Variants in INTS4 observed in about 807,000 individuals in gnomAD.
INTS4 encodes the protein MSTP093.
A neutral mutation model predicts 119.5 loss-of-function variants in INTS4; 70 were observed. That is an observed-to-expected ratio of 0.59 (90% confidence interval 0.48 to 0.71). The LOEUF is 0.71. Among genes scored for constraint, INTS4 ranks in the 30% least tolerant of loss-of-function variants. The probability of loss-of-function intolerance (pLI) is 0.00; values close to 1 mark genes in which losing one functional copy is unlikely to be tolerated. For synonymous variants in INTS4, 316 were observed against 419.6 expected, an observed-to-expected ratio of 0.75 and a Z score of 3.02; for missense variants, 867 against 1,173.2, an observed-to-expected ratio of 0.74 and a Z score of 3.81.
intron 14 of INTS4, among the ~76,000 whole-genome samples, chr11:77,920,222 C>CATAT (rs1565244761): frequency 1.6e-4 from 14 of 85,290 alleles, no homozygotes; most frequent in South Asian, 2.9e-4. Flanking sequence ...TATATATACA[C>CATAT]ATATACATAC....
rs1565232827 is a variant in INTS4, at chr11:77,900,897, T to C, written c.2228+524A>G. 9.0e-6 allele frequency: 4 copies of C among 445,096 alleles called. No individual in the cohort carries two copies. In the South Asian group the frequency reaches 1.3e-4, roughly 14 times the overall value. 27.6% of individuals were successfully genotyped at this position (445,096 alleles called of 1,614,324 possible). ...TTATCTCATTTATTCTTCATAGAAA[T>C]GCCATGAGGTAGATGCTGTCTTCAT... On this transcript the variant is annotated intron_variant, in intron 18 of 22. Coordinates refer to ENST00000534064, the MANE Select transcript of INTS4 (RefSeq NM_033547.4).
intron 4 of INTS4, among the ~76,000 whole-genome samples, chr11:77,973,821 T>C (rs775929281): frequency 2.6e-5 from 4 of 152,186 alleles, no homozygotes; most frequent in Non-Finnish European, 5.9e-5. Context: ...TACTCCTACT[T>C]GTATGTTGCT....
intron 18 of INTS4, among the ~76,000 whole-genome samples, chr11:77,900,956 G>A (rs1952760137): frequency 6.6e-6 from 1 of 152,136 alleles, no homozygotes; most frequent in African/African-American, 2.4e-5. Context: ...GGTACAGAAA[G>A]GTTCATAACC....
At chr11:77,942,435 C>A (rs1953951852) in intron 8 of INTS4, among the ~76,000 whole-genome samples, 1 of 152,090 alleles carries the variant, frequency 6.6e-6, no homozygotes, top group African/African-American at 2.4e-5. Flanking sequence ...GCCTTATTTG[C>A]CATAGTAAGG....
rs761628617 is a variant in INTS4, at chr11:77,924,908, T to G, written c.1372-16A>C. On this transcript the variant is annotated splice_polypyrimidine_tract_variant and intron_variant, in intron 11 of 22. Coordinates refer to ENST00000534064, the MANE Select transcript of INTS4 (RefSeq NM_033547.4). ...TGGATGAATCCTTTTAAAAAAAAAG[T>G]AATAATAACAGTAGTTACTGTTGGT... The G allele has an allele frequency of 5.7e-6, 9 of 1,592,638 alleles. No homozygotes were observed. In the East Asian group the frequency reaches 9.0e-5, roughly 16 times the overall value.
intron 16 of INTS4, among the ~76,000 whole-genome samples, chr11:77,904,777 C>A (rs1219857952): frequency 6.6e-6 from 1 of 152,206 alleles, no homozygotes; most frequent in Non-Finnish European, 1.5e-5. Context: ...TTGAAATCCT[C>A]ACATCCAAAT....
chr11:77,974,523 G>A (rs1406980456), intron 4 of INTS4, among the ~76,000 whole-genome samples: 1 of 150,838 alleles, frequency 6.6e-6, no homozygotes, highest in Admixed American at 6.6e-5. Context: ...TTACAGGTGT[G>A]AGCCACTGCA....
At chr11:77,878,677 T>C (rs1951675211), downstream of INTS4, 1 of 672,704 alleles carries the variant, frequency 1.5e-6, no homozygotes, top group Non-Finnish European at 2.7e-6. Flanking sequence ...AAGCTGAAGC[T>C]ATAGCCACAC....
At chr11:77,980,089 T>C (rs1034949788) in intron 3 of INTS4, among the ~76,000 whole-genome samples, 1 of 152,000 alleles carries the variant, frequency 6.6e-6, no homozygotes, top group Non-Finnish European at 1.5e-5. Flanking sequence ...AGGCCTTCCA[T>C]GTTGTCTACC....
intron 1 of INTS4, among the ~76,000 whole-genome samples, chr11:77,992,166 G>A (rs1400001501): frequency 4.6e-5 from 7 of 152,068 alleles, no homozygotes; most frequent in African/African-American, 1.7e-4. Flanking sequence ...GAGAGGCTTA[G>A]GCAGGCGGAT....
intron 10 of INTS4, among the ~76,000 whole-genome samples, chr11:77,934,127 C>T (rs1293172347): frequency 6.6e-6 from 1 of 151,942 alleles, no homozygotes; most frequent in African/African-American, 2.4e-5. Flanking sequence ...GTGCTGTGTC[C>T]ACTCAGGGTT....
At chr11:77,932,614 C>T (rs934669606) in intron 10 of INTS4, among the ~76,000 whole-genome samples, 3 of 152,148 alleles carry the variant, frequency 2.0e-5, no homozygotes, top group African/African-American at 7.2e-5. Flanking sequence ...TGGGCATATA[C>T]CCAAAGCATT....
intron 15 of INTS4, among the ~76,000 whole-genome samples, chr11:77,914,555 G>A (rs1001079545): frequency 2.0e-5 from 3 of 152,118 alleles, no homozygotes; most frequent in Non-Finnish European, 4.4e-5. Flanking sequence ...ACAGAGCTGT[G>A]GACTGCCCAG....
At chr11:77,960,306 T>G (rs1464108051) in intron 6 of INTS4, 35 bp downstream of exon 6, 4 of 1,529,510 alleles carry the variant, frequency 2.6e-6, no homozygotes, top group Non-Finnish European at 3.6e-6. Flanking sequence ...TCATGATACC[T>G]CCAACCCCTT....
intron 15 of INTS4, among the ~76,000 whole-genome samples, chr11:77,911,980 A>G (rs1180867453): frequency 2.0e-5 from 3 of 152,166 alleles, no homozygotes; most frequent in Admixed American, 2.0e-4. Context: ...TAACCATATC[A>G]TATTGCATCT....
chr11:77,909,818 T>C (rs1306235826), intron 15 of INTS4, among the ~76,000 whole-genome samples: 1 of 152,246 alleles, frequency 6.6e-6, no homozygotes, highest in African/African-American at 2.4e-5. Flanking sequence ...TTCATATTTA[T>C]GCAGCCAAAA....
intron 4 of INTS4, among the ~76,000 whole-genome samples, chr11:77,973,145 A>G (rs1855799343): frequency 6.6e-6 from 1 of 152,160 alleles, no homozygotes; most frequent in South Asian, 2.1e-4. Flanking sequence ...ACACCCAGCC[A>G]TCAGTATTAT....
intron 16 of INTS4, among the ~76,000 whole-genome samples, chr11:77,906,034 A>C (rs923996797): frequency 6.6e-6 from 1 of 152,076 alleles, no homozygotes; most frequent in African/African-American, 2.4e-5. Flanking sequence ...ATATCTTTAA[A>C]TTTTTTAAAT....
At chr11:77,938,450 A>G (rs1322215438) in intron 10 of INTS4, among the ~76,000 whole-genome samples, 1 of 152,198 alleles carries the variant, frequency 6.6e-6, no homozygotes, top group South Asian at 2.1e-4. Flanking sequence ...GATTGACTGA[A>G]CCCAAATCTC....
Sources: allele counts gnomAD v4.1 joint callset (sites outside exome capture counted in the v4.1 genomes callset), GRCh38; gene constraint gnomAD v4.1.1; transcripts MANE v1.5; gene names NCBI Gene and HGNC (gene_info 2026-07-23, HGNC 2026-07-21).